RPS6KA2: variants seen among roughly 807,000 people sequenced by gnomAD.
RPS6KA2 encodes the protein ribosomal protein S6 kinase alpha-2.
RPS6KA2 carries 42 observed loss-of-function variants against 91.8 expected under a neutral mutation model. That is an observed-to-expected ratio of 0.46 (90% CI 0.36 to 0.59). The LOEUF (loss-of-function observed/expected upper bound fraction) is 0.59, where lower values mean the gene tolerates loss of function less well. Ranked by LOEUF, RPS6KA2 falls within the 20% of genes least tolerant of loss-of-function variation. The probability of loss-of-function intolerance (pLI) is 0.00; values close to 1 mark genes in which losing one functional copy is unlikely to be tolerated. For missense variants in RPS6KA2, 798 were observed against 978.5 expected (o/e 0.82, Z 2.46); for synonymous variants, 414 against 393.6 (o/e 1.05, Z -0.61).
rs1223257995 is a variant in RPS6KA2 at position 166,434,337 on chromosome 6, C to T, written c.1333-1847G>A. Among the ~76,000 whole-genome samples the T allele has an allele frequency of 6.6e-6, 1 of 152,210 alleles. No individual in the cohort carries two copies. Among genetic ancestry groups the T allele is most frequent in the African/African-American group, 2.4e-5 (1 of 41,442 alleles). On this transcript the variant is annotated intron_variant, in intron 14 of 20. Coordinates refer to ENST00000265678, the MANE Select transcript of RPS6KA2 (RefSeq NM_021135.6). This position sits in a 1 kb window ranked among gnomAD's most constrained non-coding sequence, Gnocchi z 4.4. Reference sequence around the variant, plus strand: ...TGGACATAGAATTTCTCTCCTTCTGCTGCATTTAATTCTACTGAAGTTTTA... The same window carrying T: ...TGGACATAGAATTTCTCTCCTTCTGTTGCATTTAATTCTACTGAAGTTTTA...
Position 166,627,097 on chromosome 6 carries a change from C to T in RPS6KA2, c.-78G>A, listed in dbSNP as rs1786914449. The T allele has an allele frequency of 4.9e-6, 6 of 1,215,086 alleles. No homozygotes were observed. The highest frequency in any genetic ancestry group is 6.2e-6 in the Non-Finnish European group (6 of 971,546). 75.3% of individuals were successfully genotyped at this position (1,215,086 alleles called of 1,614,324 possible). ...GCATCCCAGGCGCGGGGCTCAGGTC[C>T]GCGGGCGGGCACGCGTGGCCAGGGA... On this transcript the variant is annotated 5_prime_UTR_variant, in exon 1 of 21. Coordinates refer to ENST00000265678, the MANE Select transcript of RPS6KA2 (RefSeq NM_021135.6).
chr6:166,606,338 G>A (rs947433580), intron 1 of RPS6KA2, among the ~76,000 whole-genome samples: 2 of 152,144 alleles, frequency 1.3e-5, no homozygotes, highest in South Asian at 2.1e-4. Context: ...TTCCTTGCTC[G>A]ATTACACAAG....
intron 1 of RPS6KA2, among the ~76,000 whole-genome samples, chr6:166,570,641 T>C (rs1784660609): frequency 1.3e-5 from 2 of 152,236 alleles, no homozygotes; most frequent in Non-Finnish European, 2.9e-5. Context: ...ATACAGGGTT[T>C]AGATACAAAA....
chr6:166,701,899 G>A, intron 2 of RPS6KA2: 1 of 1,087,478 alleles, frequency 9.2e-7, no homozygotes, highest in Non-Finnish European at 1.4e-6. Context: ...GAGATATCGT[G>A]ATTTTAGTGT....
chr6:166,426,499 T>G (rs1484223131), intron 16 of RPS6KA2, among the ~76,000 whole-genome samples: 1 of 67,866 alleles, frequency 1.5e-5, no homozygotes, highest in Admixed American at 1.9e-4. Flanking sequence ...TTCAAAAAAT[T>G]AATGAATCCA....
At position 166,467,637 on chromosome 6, in the gene RPS6KA2, T is replaced by C. The variant is rs143023294; in HGVS notation, c.972+2204A>G. 2.9e-3 allele frequency among the ~76,000 whole-genome samples: 449 copies of C among 152,278 alleles called. 2 individuals are homozygous for C. The highest frequency in any genetic ancestry group is 0.01 in the African/African-American group (434 of 41,554). ...CAGTGCTTGGGGGGAACCTGTTCCA[T>C]GGAGGCATGGGAAGGAGGCTCCGTG... On this transcript the variant is annotated intron_variant, in intron 11 of 20. Coordinates refer to ENST00000265678, the MANE Select transcript of RPS6KA2 (RefSeq NM_021135.6).
In RPS6KA2 at chr6:166,626,855, C is replaced by A; in HGVS notation, c.99+66G>T. The A allele has an allele frequency of 1.5e-6, 2 of 1,299,262 alleles. No homozygotes were observed. The highest frequency in any genetic ancestry group is 3.3e-5 in the Admixed American group (1 of 30,014). 80.5% of individuals were successfully genotyped at this position (1,299,262 alleles called of 1,614,324 possible). On this transcript the variant is annotated intron_variant, in intron 1 of 20. Coordinates refer to ENST00000265678, the MANE Select transcript of RPS6KA2 (RefSeq NM_021135.6). This position sits in a 1 kb window ranked among gnomAD's most constrained non-coding sequence, Gnocchi z 4.1. ...CGGGGTCCACCCAGGGGTGGCGAGG[C>A]GGGCTCGGGCGACCACGGCCCGCTC... is the stretch of plus-strand genomic sequence containing the variant.
chr6:166,852,999 A>G lies in RPS6KA2; in HGVS notation c.123+5201T>C, dbSNP rs1006672239. Among the ~76,000 whole-genome samples the G allele has an allele frequency of 6.6e-6, 1 of 152,240 alleles. No individual in the cohort carries two copies. Among genetic ancestry groups the G allele is most frequent in the African/African-American group, 2.4e-5 (1 of 41,460 alleles). On this transcript the variant is annotated intron_variant, in intron 2 of 21. Coordinates refer to the RPS6KA2 transcript ENST00000503859. This position sits in a 1 kb window ranked among gnomAD's most constrained non-coding sequence, Gnocchi z 4.1. The stretch of plus-strand genomic sequence containing the variant: ...GAGTAAAATTTGAGAGGAAAGGGAA[A>G]GTACCCCCGTAGCCACAAGGAAATG...
Position 166,423,408 on chromosome 6 carries a change from G to C in RPS6KA2, c.1591C>G (p.Arg531Gly). The C allele has an allele frequency of 6.2e-7, 1 of 1,608,866 alleles. No homozygotes were observed. Among genetic ancestry groups the C allele is most frequent in the Middle Eastern group, 1.7e-4 (1 of 6,052 alleles). The change falls in exon 17 of 21, where the codon CGA becomes GGA. Residue 531 changes from arginine to glycine, a missense_variant. Transcript: ENST00000265678. This position sits in a 1 kb window ranked among gnomAD's most constrained non-coding sequence, Gnocchi z 4.8. The stretch of plus-strand genomic sequence containing the variant: ...AGGATGTTACTCGGCTTCAGGTCTC[G>C]ATGAACAACCTGCAAGACAGAAGGC... Reference protein sequence around the residue: ...DYLHSQGVVHRDLKPSNILYR... With the variant: ...DYLHSQGVVHGDLKPSNILYR...
Position 166,504,620 on chromosome 6 carries a change from GA to G in RPS6KA2, c.460-9del. The G allele has an allele frequency of 1.3e-6, 2 of 1,586,070 alleles. No individual in the cohort carries two copies. The highest frequency in any genetic ancestry group is 1.1e-5 in the South Asian group (1 of 87,854). On this transcript the variant is annotated splice_polypyrimidine_tract_variant and intron_variant, in intron 5 of 20. Transcript: ENST00000265678. ...CTCCTCCGTGAACATGACCTAGTAA[GA>G]AAAAAACAAAAACAAAAACAAAAAA...
chr6:166,763,913 C>G (rs960169273), intron 2 of RPS6KA2, among the ~76,000 whole-genome samples: 2 of 152,212 alleles, frequency 1.3e-5, no homozygotes, highest in Non-Finnish European at 2.9e-5. Context: ...CATGACGGCA[C>G]GGCCGGCCTT....
At chr6:166,753,000 G>A (rs1777894326) in intron 2 of RPS6KA2, among the ~76,000 whole-genome samples, 1 of 152,188 alleles carries the variant, frequency 6.6e-6, no homozygotes, top group Non-Finnish European at 1.5e-5. Flanking sequence ...TTTATTCTGT[G>A]GGTTTAGTCA....
rs146815066 is a variant in RPS6KA2, at chr6:166,533,435, G to A, written c.217-2122C>T. Among the ~76,000 whole-genome samples, 10 of 152,352 alleles carry A rather than the reference G, an allele frequency of 6.6e-5. No individual in the cohort carries two copies. Among genetic ancestry groups the A allele is most frequent in the East Asian group, 3.9e-4 (2 of 5,178 alleles). On this transcript the variant is annotated intron_variant, in intron 2 of 20. Coordinates refer to ENST00000265678, the MANE Select transcript of RPS6KA2 (RefSeq NM_021135.6). The surrounding 1 kb of genome is among the most constrained non-coding windows in gnomAD (Gnocchi z 4.0). ...GAGGAACCTGGGTCCCAAAAAAGTCGGAGGGGGTGTGGAACAAGGGACAGT... is the reference window on the plus strand; with the variant it reads ...GAGGAACCTGGGTCCCAAAAAAGTCAGAGGGGGTGTGGAACAAGGGACAGT...
In RPS6KA2 at chr6:166,430,319, A is replaced by C. The variant is rs1054265500; in HGVS notation, c.1581+134T>G. 6.0e-6 allele frequency: 5 copies of C among 838,672 alleles called. No homozygotes were observed. In the African/African-American group the frequency reaches 8.6e-5, roughly 14 times the overall value. 52.0% of individuals were successfully genotyped at this position (838,672 alleles called of 1,614,324 possible). ...CCGTCACTGAGCCTCCAGACACAAGAGAGACGATGGTGGCACGGAAGGAAT... is the reference window on the plus strand; with the variant it reads ...CCGTCACTGAGCCTCCAGACACAAGCGAGACGATGGTGGCACGGAAGGAAT... On this transcript the variant is annotated intron_variant, in intron 16 of 20. Transcript: ENST00000265678.
At chr6:166,644,576 A>G (rs1046436867) in intron 2 of RPS6KA2, among the ~76,000 whole-genome samples, 4 of 152,218 alleles carry the variant, frequency 2.6e-5, no homozygotes, top group African/African-American at 7.2e-5. Context: ...GTTGCGTGAA[A>G]GTATATTGCA....
chr6:166,490,789 C>A lies in RPS6KA2; in HGVS notation c.748-48G>T. The A allele has an allele frequency of 7.0e-7, 1 of 1,436,038 alleles. No homozygotes were observed. The highest frequency in any genetic ancestry group is 2.3e-5 in the East Asian group (1 of 42,622). 89.0% of individuals were successfully genotyped at this position (1,436,038 alleles called of 1,614,324 possible). A position where few individuals can be genotyped will look rare whatever the true frequency, so the allele number is the denominator to read the frequency against. On this transcript the variant is annotated intron_variant, in intron 8 of 20. Coordinates refer to ENST00000265678, the MANE Select transcript of RPS6KA2 (RefSeq NM_021135.6). The surrounding 1 kb of genome is among the most constrained non-coding windows in gnomAD (Gnocchi z 4.2). ...GTGAGTTCATTCATCCAGATGGACC[C>A]GGCTTCACGGCAGAGTACCCCAGCA...
At chr6:166,678,965 G>T (rs1788698963) in intron 2 of RPS6KA2, among the ~76,000 whole-genome samples, 1 of 152,074 alleles carries the variant, frequency 6.6e-6, no homozygotes, top group South Asian at 2.1e-4. Flanking sequence ...GACTTTTTTT[G>T]ATCATGGTCA....
At chr6:166,426,157 AC>A (rs1778910021) in intron 16 of RPS6KA2, among the ~76,000 whole-genome samples, 1 of 152,132 alleles carries the variant, frequency 6.6e-6, no homozygotes, top group African/African-American at 2.4e-5. Context: ...CTCACTCAAA[AC>A]CTCTCAACTA....
chr6:166,717,854 CTT>C (rs11410957), intron 2 of RPS6KA2, among the ~76,000 whole-genome samples: 3 of 145,612 alleles, frequency 2.1e-5, no homozygotes. Context: ...TCTTTTCTTT[CTT>C]TTTTTTTTTT....
Sources: gnomAD v4.1 joint callset for allele counts (sites outside exome capture counted in the v4.1 genomes callset) on GRCh38, gnomAD v4.1.1 for gene constraint, Gnocchi (gnomAD v3.1) non-coding constraint, MANE v1.5 for transcripts, NCBI Gene and HGNC (gene_info 2026-07-23, HGNC 2026-07-21) for gene names.